PDE4D: variants seen among roughly 807,000 people sequenced by gnomAD.
The protein encoded by PDE4D is phosphodiesterase 4D.
Under a neutral mutation model 87.4 loss-of-function variants are expected in PDE4D, and 24 were observed. The ratio of observed to expected loss-of-function variants is 0.27; its 90% CI spans 0.20 to 0.39. The LOEUF is 0.39. Among genes scored for constraint, PDE4D ranks in the 10% least tolerant of loss-of-function variants. The pLI, the probability that PDE4D is intolerant of heterozygous loss-of-function variation, is 1.00. For synonymous variants in PDE4D, 384 were observed against 383.2 expected (o/e 1.00, Z -0.02); for missense variants, 714 against 1,041.0 (o/e 0.69, Z 4.32).
intron 1 of PDE4D, among the ~76,000 whole-genome samples, chr5:59,490,570 A>G (rs1475808945): frequency 6.6e-6 from 1 of 152,226 alleles, no homozygotes; most frequent in Non-Finnish European, 1.5e-5. Context: ...GTTCATACAC[A>G]TAATGTAAAC....
intron 1 of PDE4D, among the ~76,000 whole-genome samples, chr5:59,712,656 A>C (rs378536): frequency 6.7e-6 from 1 of 150,360 alleles, no homozygotes; most frequent in Admixed American, 6.6e-5. Context: ...TTATAATAAT[A>C]TATCTATAAT....
chr5:59,381,334 G>A (rs1785800851), intron 1 of PDE4D, among the ~76,000 whole-genome samples: 1 of 151,948 alleles, frequency 6.6e-6, no homozygotes, highest in African/African-American at 2.4e-5. Flanking sequence ...AGATCAAATC[G>A]CTTTACCCAT....
At chr5:59,726,351 T>C (rs1756586016) in intron 1 of PDE4D, among the ~76,000 whole-genome samples, 1 of 152,084 alleles carries the variant, frequency 6.6e-6, no homozygotes, top group East Asian at 1.9e-4. Flanking sequence ...CCTTCAAAAT[T>C]CACTTGTGGA....
At chr5:60,160,031 C>T (rs1782334991) in intron 2 of PDE4D, among the ~76,000 whole-genome samples, 1 of 152,122 alleles carries the variant, frequency 6.6e-6, no homozygotes, top group Admixed American at 6.5e-5. Flanking sequence ...GCAAGATCAA[C>T]CTGACCTCTT....
At chr5:59,538,929 T>C (rs1422929698) in intron 1 of PDE4D, among the ~76,000 whole-genome samples, 1 of 152,214 alleles carries the variant, frequency 6.6e-6, no homozygotes, top group Non-Finnish European at 1.5e-5. Flanking sequence ...CTGCCTGCCC[T>C]GTCCATCATC....
intron 2 of PDE4D, among the ~76,000 whole-genome samples, chr5:60,082,071 C>A (rs1403508755): frequency 6.6e-6 from 1 of 152,152 alleles, no homozygotes; most frequent in Admixed American, 6.5e-5. Flanking sequence ...GTTTACTTCC[C>A]AATTCAGTCT....
chr5:59,118,524 C>T (rs538170082), intron 5 of PDE4D, among the ~76,000 whole-genome samples: 1 of 152,272 alleles, frequency 6.6e-6, no homozygotes, highest in South Asian at 2.1e-4. Flanking sequence ...CACTTTTCCA[C>T]AATATTGATT....
At chr5:59,998,254 G>C (rs749765148) in intron 2 of PDE4D, among the ~76,000 whole-genome samples, 33 of 151,298 alleles carry the variant, frequency 2.2e-4, no homozygotes, top group Non-Finnish European at 3.2e-4. Flanking sequence ...GTGAGGAATA[G>C]AAATAGGAGG....
intron 1 of PDE4D, among the ~76,000 whole-genome samples, chr5:59,527,306 A>T (rs1342777314): frequency 6.6e-6 from 1 of 152,162 alleles, no homozygotes; most frequent in African/African-American, 2.4e-5. Flanking sequence ...TTTTTATAAG[A>T]TCCTTTTTTA....
intron 2 of PDE4D, among the ~76,000 whole-genome samples, chr5:60,119,124 T>C (rs532801256): frequency 6.6e-6 from 1 of 152,260 alleles, no homozygotes; most frequent in South Asian, 2.1e-4. Context: ...GTCTGCCCTT[T>C]AAGGTATTCC....
intron 5 of PDE4D, among the ~76,000 whole-genome samples, chr5:59,154,601 T>C (rs879585179): frequency 8.5e-5 from 13 of 152,080 alleles, no homozygotes; most frequent in African/African-American, 2.2e-4. Flanking sequence ...TTGTATTCAT[T>C]TGGGGCCGAG....
At chr5:59,449,375 A>C (rs1345550919) in intron 1 of PDE4D, among the ~76,000 whole-genome samples, 1 of 152,194 alleles carries the variant, frequency 6.6e-6, no homozygotes, top group Non-Finnish European at 1.5e-5. Context: ...GTGCTCCCTC[A>C]CATTAAGCAG....
intron 1 of PDE4D, among the ~76,000 whole-genome samples, chr5:59,441,200 T>C (rs1380536535): frequency 1.3e-5 from 2 of 151,896 alleles, no homozygotes; most frequent in African/African-American, 4.8e-5. Flanking sequence ...GCTCCAGCAA[T>C]CCTCCCAGCT....
chr5:59,149,121 A>G (rs1167308935), intron 5 of PDE4D, among the ~76,000 whole-genome samples: 4 of 152,046 alleles, frequency 2.6e-5, no homozygotes, highest in Non-Finnish European at 5.9e-5. Flanking sequence ...TTTTAGTACC[A>G]TTTTCTCTTA....
chr5:60,211,671 A>C (rs1743246885), intron 1 of PDE4D, among the ~76,000 whole-genome samples: 2 of 151,766 alleles, frequency 1.3e-5, no homozygotes, highest in Admixed American at 6.6e-5. Context: ...CATCATATGC[A>C]TATTAAAAAT....
chr5:60,343,271 A>C (rs1758458066), intron 1 of PDE4D, among the ~76,000 whole-genome samples: 1 of 152,150 alleles, frequency 6.6e-6, no homozygotes. Flanking sequence ...GGTAGATGAG[A>C]ATGGAAGGTG....
intron 1 of PDE4D, among the ~76,000 whole-genome samples, chr5:59,505,585 G>T (rs2153666266): frequency 6.6e-6 from 1 of 152,256 alleles, no homozygotes; most frequent in African/African-American, 2.4e-5. Flanking sequence ...TCTACTATGT[G>T]CCAAGCACTG....
intron 1 of PDE4D, among the ~76,000 whole-genome samples, chr5:60,384,891 A>C (rs1762098397): frequency 6.6e-6 from 1 of 152,192 alleles, no homozygotes; most frequent in Non-Finnish European, 1.5e-5. Flanking sequence ...TTCACCAAAA[A>C]TCCTATTCCT....
At chr5:60,509,355 C>T (rs557427967) in intron 1 of PDE4D, among the ~76,000 whole-genome samples, 1 of 152,326 alleles carries the variant, frequency 6.6e-6, no homozygotes, top group South Asian at 2.1e-4. Context: ...GCTGGAAATA[C>T]ACATGTGGCA....
Sources: gnomAD v4.1 joint callset for allele counts (sites outside exome capture counted in the v4.1 genomes callset) on GRCh38, gnomAD v4.1.1 for gene constraint, MANE v1.5 for transcripts, NCBI Gene and HGNC (gene_info 2026-07-23, HGNC 2026-07-21) for gene names.